The following PPFIBP2 variants were observed in gnomAD, a reference collection of about 807,000 sequenced individuals.
PPFIBP2 encodes the protein PPFIB scaffold protein 2, also known as liprin-beta-2.
A neutral mutation model predicts 118.3 loss-of-function variants in PPFIBP2; 118 were observed. That is an observed-to-expected ratio of 1.00 (90% CI 0.86 to 1.16). The LOEUF is 1.16. Among genes scored for constraint, PPFIBP2 ranks in the 50% most tolerant of loss-of-function variants. The pLI is 0.00. For synonymous variants in PPFIBP2, 414 were observed against 397.4 expected, an observed-to-expected ratio of 1.04 and a Z score of -0.50; for missense variants, 1,195 against 1,073.1, an observed-to-expected ratio of 1.11 and a Z score of -1.59.
chr11:7,616,728 C>T lies in PPFIBP2; in HGVS notation c.619-4207C>T, dbSNP rs181756916. On this transcript the variant is annotated intron_variant, in intron 6 of 23. Transcript: ENST00000299492. This position sits in a 1 kb window ranked among gnomAD's most constrained non-coding sequence, Gnocchi z 5.2. ...CGTTGGGTGTTTGGGTAAGGGGAGT[C>T]GGTGTGTGTATCATGCATATGTGGA... Among the ~76,000 whole-genome samples the T allele has an allele frequency of 6.6e-5, 10 of 151,880 alleles. No individual in the cohort carries two copies. The highest frequency in any genetic ancestry group is 1.4e-4 in the African/African-American group (6 of 41,394).
At chr11:7,633,479 C>T (rs6578889) in intron 12 of PPFIBP2, among the ~76,000 whole-genome samples, 148,609 of 152,264 alleles carry the variant, frequency 0.98, 72,624 homozygotes, top group Middle Eastern at 1. Context: ...GTCCGTACTT[C>T]AGCACACATT....
chr11:7,643,539 G>A (rs374217493), intron 17 of PPFIBP2, among the ~76,000 whole-genome samples: 2 of 152,302 alleles, frequency 1.3e-5, no homozygotes, highest in East Asian at 1.9e-4. Flanking sequence ...TTTATGAACC[G>A]TAACAGTGGA....
chr11:7,533,540 A>G (rs1850944054), intron 1 of PPFIBP2, among the ~76,000 whole-genome samples: 1 of 152,240 alleles, frequency 6.6e-6, no homozygotes. Context: ...AATTATTATC[A>G]TCTTCATAAA....
chr11:7,598,198 T>C, intron 5 of PPFIBP2: 1 of 197,544 alleles, frequency 5.1e-6, no homozygotes, highest in South Asian at 7.5e-5. Context: ...TGTTTTCTTT[T>C]TGTCCTTGTT....
rs142245742 is a variant in PPFIBP2, at chr11:7,622,831, C to T, written c.711+1804C>T. On this transcript the variant is annotated intron_variant, in intron 7 of 23. Transcript: ENST00000299492. ...TCAAACAAGCCCTGTCTTGGGGAAA[C>T]CTTTGAAGTTGTACATACCGCCCTC... Among the ~76,000 whole-genome samples, 21 of 152,294 alleles carry T rather than the reference C, an allele frequency of 1.4e-4. No individual in the cohort carries two copies. In the East Asian group the frequency reaches 2.3e-3, roughly 17 times the overall value.
intron 2 of PPFIBP2, among the ~76,000 whole-genome samples, chr11:7,562,976 T>TATATATACAC (rs1554953438): frequency 2.0e-5 from 2 of 100,470 alleles, no homozygotes; most frequent in African/African-American, 6.6e-5. Flanking sequence ...TATATATATA[T>TATATATACAC]ACACGCACAC....
At chr11:7,585,803 G>A (rs1201817297) in intron 3 of PPFIBP2, among the ~76,000 whole-genome samples, 1 of 152,196 alleles carries the variant, frequency 6.6e-6, no homozygotes, top group African/African-American at 2.4e-5. Flanking sequence ...GAGGCCGCTG[G>A]GGGTTAACTT....
intron 1 of PPFIBP2, among the ~76,000 whole-genome samples, chr11:7,517,810 G>A (rs575416953): frequency 6.6e-6 from 1 of 152,306 alleles, no homozygotes; most frequent in South Asian, 2.1e-4. Flanking sequence ...CCATTCCAGG[G>A]CACCATCAGT....
chr11:7,562,410 G>A (rs541755347), intron 2 of PPFIBP2, among the ~76,000 whole-genome samples: 5 of 152,340 alleles, frequency 3.3e-5, no homozygotes, highest in African/African-American at 1.2e-4. Flanking sequence ...CCCAGAGTGA[G>A]TGGCCTGATA....
rs777108930 is a variant in PPFIBP2 at position 7,641,405 on chromosome 11, G to A, written c.1376-74G>A. 4 of 1,525,808 alleles carry A rather than the reference G, an allele frequency of 2.6e-6. No individual in the cohort carries two copies. The African/African-American group carries it at 4.1e-5, about 16-fold the overall frequency. The allele number at this position is 1,525,808 out of a possible 1,614,324, so 94.5% of individuals were successfully genotyped here. A position where few individuals can be genotyped will look rare whatever the true frequency, so the allele number is the denominator to read the frequency against. The stretch of plus-strand genomic sequence containing the variant: ...CTCTGGACTCCCACTGAAGGGGAGG[G>A]CCCAGGCTTGGGGAAGAAGGGTTCC... On this transcript the variant is annotated intron_variant, in intron 15 of 23. Transcript: ENST00000299492.
intron 5 of PPFIBP2, among the ~76,000 whole-genome samples, chr11:7,609,239 T>C (rs1847773001): frequency 6.6e-6 from 1 of 152,178 alleles, no homozygotes; most frequent in African/African-American, 2.4e-5. Context: ...TTGCCATTCT[T>C]GTGCTGAGCT....
rs532098465 is a variant in PPFIBP2 at position 7,640,310 on chromosome 11, C to T, written c.1375+440C>T. On this transcript the variant is annotated intron_variant, in intron 15 of 23. Transcript: ENST00000299492. ...TCTTCTCTGCAGCTTCCCTATTCCC[C>T]GTAGGAGGGTATCATGCACTCCAAG... 4.6e-5 allele frequency among the ~76,000 whole-genome samples: 7 copies of T among 152,236 alleles called. No homozygotes were observed. The East Asian group carries it at 5.8e-4, about 13-fold the overall frequency.
Position 7,590,478 on chromosome 11 carries a change from T to C in PPFIBP2, c.280-2654T>C, listed in dbSNP as rs1204844044. On this transcript the variant is annotated intron_variant, in intron 3 of 23. Coordinates refer to ENST00000299492, the MANE Select transcript of PPFIBP2 (RefSeq NM_003621.5). ...CTGTCTGCCATGCACACCACTGCTGTATGGACCAGTATGCCTGCTAGGAAA... is the reference window on the plus strand; with the variant it reads ...CTGTCTGCCATGCACACCACTGCTGCATGGACCAGTATGCCTGCTAGGAAA... Among the ~76,000 whole-genome samples, 4 of 152,172 alleles carry C rather than the reference T, an allele frequency of 2.6e-5. No homozygotes were observed. The East Asian group carries it at 7.7e-4, about 29-fold the overall frequency.
chr11:7,579,113 G>A (rs976542436), intron 3 of PPFIBP2, among the ~76,000 whole-genome samples: 1 of 152,106 alleles, frequency 6.6e-6, no homozygotes, highest in Admixed American at 6.5e-5. Flanking sequence ...AGCTATGTTG[G>A]GAAAAGTGAG....
intron 1 of PPFIBP2, among the ~76,000 whole-genome samples, chr11:7,518,826 C>T (rs769304453): frequency 1.1e-4 from 17 of 152,116 alleles, no homozygotes; most frequent in South Asian, 8.3e-4. Context: ...CTAGCACTGG[C>T]GCTGAAGTGA....
intron 2 of PPFIBP2, among the ~76,000 whole-genome samples, chr11:7,563,130 C>A (rs1040835185): frequency 5.9e-5 from 9 of 151,404 alleles, no homozygotes; most frequent in Non-Finnish European, 1.2e-4. Context: ...CAAGGCCACA[C>A]AGTGATATAA....
chr11:7,599,329 G>A (rs1426496259), intron 5 of PPFIBP2, among the ~76,000 whole-genome samples: 1 of 152,180 alleles, frequency 6.6e-6, no homozygotes, highest in Non-Finnish European at 1.5e-5. Flanking sequence ...TTTGAATACG[G>A]AAGGGAACGT....
intron 1 of PPFIBP2, among the ~76,000 whole-genome samples, chr11:7,536,600 C>G (rs1177399479): frequency 1.3e-5 from 2 of 152,010 alleles, no homozygotes; most frequent in African/African-American, 4.8e-5. Flanking sequence ...GGTTTTGTTT[C>G]TCATTAAAGA....
At chr11:7,546,019 T>G (rs975884509) in intron 1 of PPFIBP2, among the ~76,000 whole-genome samples, 11 of 152,190 alleles carry the variant, frequency 7.2e-5, no homozygotes, top group African/African-American at 2.7e-4. Context: ...AGGAAGGGGT[T>G]TGGAGAACTT....
Sources: allele counts gnomAD v4.1 joint callset (sites outside exome capture counted in the v4.1 genomes callset), GRCh38; gene constraint gnomAD v4.1.1; non-coding constraint Gnocchi (gnomAD v3.1); transcripts MANE v1.5; gene names NCBI Gene and HGNC (gene_info 2026-07-23, HGNC 2026-07-21).